The following EDAR variants were observed in gnomAD, a reference collection of about 807,000 sequenced individuals.
EDAR encodes ectodysplasin A receptor, also known as tumor necrosis factor receptor superfamily member EDAR.
EDAR carries 38 observed loss-of-function variants against 51.3 expected under a neutral mutation model. The ratio of observed to expected loss-of-function variants is 0.74; its 90% CI spans 0.57 to 0.97. The LOEUF (loss-of-function observed/expected upper bound fraction) is 0.97, where lower values mean the gene tolerates loss of function less well. Among genes scored for constraint, EDAR ranks in the 50% least tolerant of loss-of-function variants. EDAR has a pLI of 0.00. For synonymous variants in EDAR, 227 were observed against 242.1 expected (o/e 0.94, Z 0.58); for missense variants, 528 against 595.0 (o/e 0.89, Z 1.17).
At position 108,979,467 on chromosome 2, in the gene EDAR, T is replaced by TCTCACA. The variant is rs1159379988; in HGVS notation, c.-19+9492_-19+9493insTGTGAG. ...CTCTCTGTCTCTGTCTCTCTCTCTC[T>TCTCACA]CACACACACACACACACACACACAC... On this transcript the variant is annotated intron_variant, in intron 1 of 11. Transcript: ENST00000258443. Among the ~76,000 whole-genome samples the TCTCACA allele has an allele frequency of 4.2e-3, 617 of 147,208 alleles. 2 individuals are homozygous for TCTCACA. The highest frequency in any genetic ancestry group is 9.5e-3 in the African/African-American group (378 of 39,760).
At chr2:108,976,979 C>T (rs766867377) in intron 1 of EDAR, among the ~76,000 whole-genome samples, 121 of 152,252 alleles carry the variant, frequency 7.9e-4, no homozygotes, top group Non-Finnish European at 1.5e-3. Context: ...ACAGTGAGGA[C>T]TGACAAATGC....
chr2:108,941,179 A>G (rs1054930014), intron 1 of EDAR, among the ~76,000 whole-genome samples: 5 of 152,188 alleles, frequency 3.3e-5, no homozygotes, highest in African/African-American at 1.2e-4. Context: ...AGTCCTTTTT[A>G]TTGCCGAATC....
rs188504621 is a variant in EDAR at position 108,932,478 on chromosome 2, G to A, written c.-18-1446C>T. Reference sequence around the variant, plus strand: ...CGGGAGGCGGAGCTTGCAGTGAGCCGAGATTGTGCCACTGCACTCCAGCCT... The same window carrying A: ...CGGGAGGCGGAGCTTGCAGTGAGCCAAGATTGTGCCACTGCACTCCAGCCT... On this transcript the variant is annotated intron_variant, in intron 1 of 11. Coordinates refer to ENST00000258443, the MANE Select transcript of EDAR (RefSeq NM_022336.4). Among the ~76,000 whole-genome samples the A allele has an allele frequency of 8.2e-3, 1,161 of 141,794 alleles. 8 individuals carry two copies. Among genetic ancestry groups the A allele is most frequent in the South Asian group, 0.03 (131 of 4,362 alleles). 93.0% of individuals were successfully genotyped at this position (141,794 alleles called of 152,430 possible).
At chr2:108,950,079 C>T (rs1446686375) in intron 1 of EDAR, among the ~76,000 whole-genome samples, 1 of 152,070 alleles carries the variant, frequency 6.6e-6, no homozygotes, top group Non-Finnish European at 1.5e-5. Flanking sequence ...ACTTATGACC[C>T]CAGGAGGGGC....
chr2:108,958,194 T>C (rs1697961357), intron 1 of EDAR, among the ~76,000 whole-genome samples: 1 of 152,108 alleles, frequency 6.6e-6, no homozygotes, highest in South Asian at 2.1e-4. Context: ...AAGAAGTGTC[T>C]CTGAAGTCTG....
intron 5 of EDAR, among the ~76,000 whole-genome samples, chr2:108,921,889 C>T (rs1194798756): frequency 1.3e-5 from 2 of 152,258 alleles, no homozygotes; most frequent in Non-Finnish European, 2.9e-5. Flanking sequence ...TCTCTGCTGA[C>T]CTCCTTCAGG....
At chr2:108,982,438 G>A (rs1354448694) in intron 1 of EDAR, among the ~76,000 whole-genome samples, 1 of 152,246 alleles carries the variant, frequency 6.6e-6, no homozygotes, top group Non-Finnish European at 1.5e-5. Flanking sequence ...AAGAACTAGG[G>A]ACATTGGCGT....
At chr2:108,940,326 T>G (rs1034820156) in intron 1 of EDAR, 8 of 152,324 alleles carry the variant, frequency 5.3e-5, no homozygotes, top group African/African-American at 1.9e-4. Flanking sequence ...GCTCGGATGG[T>G]CTGAAGGGGA....
intron 1 of EDAR, among the ~76,000 whole-genome samples, chr2:108,961,702 C>T (rs1158840042): frequency 6.6e-6 from 1 of 152,176 alleles, no homozygotes; most frequent in African/African-American, 2.4e-5. Flanking sequence ...GGGCTCAGCT[C>T]AGCCTTGGGT....
At chr2:108,946,507 T>C (rs1697717293) in intron 1 of EDAR, among the ~76,000 whole-genome samples, 1 of 152,194 alleles carries the variant, frequency 6.6e-6, no homozygotes, top group Admixed American at 6.5e-5. Context: ...AAAAGTGGAA[T>C]TATATTAGTC....
chr2:108,916,523 G>A (rs1264564179), intron 5 of EDAR, among the ~76,000 whole-genome samples: 2 of 152,100 alleles, frequency 1.3e-5, no homozygotes, highest in Non-Finnish European at 2.9e-5. Flanking sequence ...GCGCCCACCT[G>A]CCCTCGGCCA....
chr2:108,935,682 C>T (rs1317028170), intron 1 of EDAR, among the ~76,000 whole-genome samples: 3 of 152,116 alleles, frequency 2.0e-5, no homozygotes, highest in South Asian at 2.1e-4. Context: ...CACTAGACAC[C>T]GATTCCCTTA....
intron 5 of EDAR, among the ~76,000 whole-genome samples, chr2:108,918,108 CG>C (rs1553446811): frequency 6.6e-6 from 1 of 152,186 alleles, no homozygotes; most frequent in Non-Finnish European, 1.5e-5. Context: ...GAAAAGAGAG[CG>C]GTCTGGGCTG....
chr2:108,918,641 G>A (rs1697070457), intron 5 of EDAR, among the ~76,000 whole-genome samples: 1 of 152,158 alleles, frequency 6.6e-6, no homozygotes, highest in Non-Finnish European at 1.5e-5. Flanking sequence ...TGGTGACTCC[G>A]GGGAGGGTCC....
At chr2:108,964,761 C>T (rs1185451650) in intron 1 of EDAR, among the ~76,000 whole-genome samples, 1 of 152,200 alleles carries the variant, frequency 6.6e-6, no homozygotes, top group Non-Finnish European at 1.5e-5. Flanking sequence ...TGACAGCAGG[C>T]AGCAGCCCTT....
chr2:108,947,018 TA>T (rs1347620210), intron 1 of EDAR, among the ~76,000 whole-genome samples: 1 of 152,216 alleles, frequency 6.6e-6, no homozygotes, highest in African/African-American at 2.4e-5. Context: ...CTTCTGCCTA[TA>T]AGCCTGTAAA....
intron 1 of EDAR, among the ~76,000 whole-genome samples, chr2:108,969,327 T>C (rs1698199752): frequency 6.6e-6 from 1 of 152,212 alleles, no homozygotes; most frequent in Admixed American, 6.5e-5. Context: ...TTACCCACTT[T>C]CTTGGTCTTG....
chr2:108,977,139 C>T (rs1472695750), intron 1 of EDAR, among the ~76,000 whole-genome samples: 1 of 152,166 alleles, frequency 6.6e-6, no homozygotes, highest in Admixed American at 6.5e-5. Flanking sequence ...TGGCCCGGGC[C>T]TGGGTTTTCC....
intron 1 of EDAR, among the ~76,000 whole-genome samples, chr2:108,979,513 C>A (rs1698387177): frequency 6.6e-6 from 1 of 151,694 alleles, no homozygotes; most frequent in East Asian, 1.9e-4. Context: ...ATGGCACACC[C>A]CAGGAGCTGA....
Sources: gnomAD v4.1 joint callset for allele counts (sites outside exome capture counted in the v4.1 genomes callset) on GRCh38, gnomAD v4.1.1 for gene constraint, MANE v1.5 for transcripts, NCBI Gene and HGNC (gene_info 2026-07-23, HGNC 2026-07-21) for gene names.